GRIN2B: variants seen among roughly 807,000 people sequenced by gnomAD.
The protein encoded by GRIN2B is glutamate receptor ionotropic, NMDA 2B.
GRIN2B carries 5 observed loss-of-function variants against 114.5 expected under a neutral mutation model. The ratio of observed to expected loss-of-function variants is 0.04; its 90% CI spans 0.02 to 0.09. The LOEUF (loss-of-function observed/expected upper bound fraction) is 0.09, where lower values mean the gene tolerates loss of function less well. GRIN2B is among the 10% of genes least tolerant of loss of function. GRIN2B has a pLI of 1.00. For missense variants in GRIN2B, 1,108 were observed against 1,943.5 expected (o/e 0.57, Z 8.08); for synonymous variants, 787 against 745.1 (o/e 1.06, Z -0.92).
intron 1 of GRIN2B, among the ~76,000 whole-genome samples, chr12:13,980,676 A>G (rs1238672352): frequency 6.6e-6 from 1 of 152,102 alleles, no homozygotes; most frequent in Non-Finnish European, 1.5e-5. Context: ...AAGCGGCACC[A>G]TACAGCAACA....
chr12:13,744,909 G>A (rs558625017), intron 4 of GRIN2B, among the ~76,000 whole-genome samples: 2 of 152,154 alleles, frequency 1.3e-5, no homozygotes, highest in Non-Finnish European at 2.9e-5. Flanking sequence ...GGCTTCTCCC[G>A]TGCCCTATCT....
chr12:13,965,173 T>C (rs958157894), intron 2 of GRIN2B, among the ~76,000 whole-genome samples: 12 of 152,224 alleles, frequency 7.9e-5, no homozygotes, highest in African/African-American at 2.9e-4. Context: ...CCTGAAATCC[T>C]CACAGAGCCC....
intron 3 of GRIN2B, among the ~76,000 whole-genome samples, chr12:13,794,038 C>CAAAAAAAAA (rs59335663): frequency 1.3e-3 from 99 of 79,164 alleles, no homozygotes; most frequent in East Asian, 1.7e-3. Context: ...CCCATCTCTA[C>CAAAAAAAAA]AAAAAAAAAA....
intron 2 of GRIN2B, among the ~76,000 whole-genome samples, chr12:13,961,770 C>T (rs1867696085): frequency 6.6e-6 from 1 of 152,118 alleles, no homozygotes; most frequent in Non-Finnish European, 1.5e-5. Context: ...AAACGTAGGT[C>T]CAGCGGAATG....
intron 5 of GRIN2B, among the ~76,000 whole-genome samples, chr12:13,628,584 A>T (rs11610953): frequency 0.083 from 12,573 of 152,300 alleles, 552 homozygotes; most frequent in Non-Finnish European, 0.099. Context: ...TTAGTAAACC[A>T]ATCAAACAAG....
chr12:13,967,017 G>A (rs970273571), intron 2 of GRIN2B, among the ~76,000 whole-genome samples: 2 of 152,182 alleles, frequency 1.3e-5, no homozygotes, highest in African/African-American at 4.8e-5. Context: ...GGAGAAGACA[G>A]TAGCAGGGAA....
intron 4 of GRIN2B, among the ~76,000 whole-genome samples, chr12:13,677,778 T>G (rs1950089243): frequency 6.6e-6 from 1 of 152,134 alleles, no homozygotes; most frequent in Non-Finnish European, 1.5e-5. Flanking sequence ...ACATGTTTCC[T>G]CTTTAGAGAT....
chr12:13,678,474 C>T (rs889539008), intron 4 of GRIN2B, among the ~76,000 whole-genome samples: 1 of 152,110 alleles, frequency 6.6e-6, no homozygotes, highest in Admixed American at 6.6e-5. Context: ...CCTTTCCTGA[C>T]ACCAGCCTGA....
intron 2 of GRIN2B, among the ~76,000 whole-genome samples, chr12:13,957,738 CT>C (rs926261116): frequency 4.4e-4 from 67 of 152,330 alleles, no homozygotes; most frequent in African/African-American, 1.4e-3. Context: ...TCCCTCATCT[CT>C]CTTGCCTCCC....
intron 10 of GRIN2B, among the ~76,000 whole-genome samples, chr12:13,591,455 T>C (rs1336114351): frequency 6.6e-6 from 1 of 152,220 alleles, no homozygotes; most frequent in Admixed American, 6.5e-5. Flanking sequence ...ACAGCAGCTA[T>C]AAAGTAGGTA....
intron 2 of GRIN2B, among the ~76,000 whole-genome samples, chr12:13,961,172 A>T (rs1258884966): frequency 6.6e-6 from 1 of 152,128 alleles, no homozygotes; most frequent in Admixed American, 6.5e-5. Context: ...GTACTGGAGA[A>T]GCTGAATTCC....
chr12:13,936,333 G>C (rs1867130496), intron 2 of GRIN2B, among the ~76,000 whole-genome samples: 1 of 152,154 alleles, frequency 6.6e-6, no homozygotes. Flanking sequence ...GCATCAATCT[G>C]AGATTCCAGA....
chr12:13,613,807 T>A (rs2136477524), intron 8 of GRIN2B, among the ~76,000 whole-genome samples: 1 of 152,188 alleles, frequency 6.6e-6, no homozygotes, highest in South Asian at 2.1e-4. Context: ...TCAATAAATG[T>A]TGGCTTCTCT....
At position 13,804,660 on chromosome 12, in the gene GRIN2B, A is replaced by G. The variant is rs555470480; in HGVS notation, c.412-50745T>C. Among the ~76,000 whole-genome samples, 16 of 152,250 alleles carry G rather than the reference A, an allele frequency of 1.1e-4. 1 individual carries two copies. In the South Asian group the frequency reaches 3.3e-3, roughly 32 times the overall value. On this transcript the variant is annotated intron_variant, in intron 3 of 13. Coordinates refer to ENST00000609686, the MANE Select transcript of GRIN2B (RefSeq NM_000834.5). ...CTAATTAAAACTTCTGATTTCCTAT[A>G]TAACACTTAGTTTTTACAGTTCCTG... is the stretch of plus-strand genomic sequence containing the variant.
chr12:13,849,666 C>T (rs1865526079), intron 3 of GRIN2B, among the ~76,000 whole-genome samples: 1 of 152,096 alleles, frequency 6.6e-6, no homozygotes, highest in South Asian at 2.1e-4. Flanking sequence ...ATGAAAAGAA[C>T]TTGCAAAAAC....
intron 4 of GRIN2B, among the ~76,000 whole-genome samples, chr12:13,703,963 T>C (rs1950335767): frequency 6.6e-6 from 1 of 152,180 alleles, no homozygotes; most frequent in African/African-American, 2.4e-5. Flanking sequence ...TTCACTTGTC[T>C]CTGTCATCAA....
intron 5 of GRIN2B, among the ~76,000 whole-genome samples, chr12:13,652,171 TTA>T (rs1949820269): frequency 6.6e-6 from 1 of 151,834 alleles, no homozygotes; most frequent in Non-Finnish European, 1.5e-5. Flanking sequence ...ACCTCAGACT[TTA>T]GCACTTTGCT....
intron 2 of GRIN2B, among the ~76,000 whole-genome samples, chr12:13,922,942 T>C (rs1243263483): frequency 2.0e-5 from 3 of 152,180 alleles, no homozygotes; most frequent in African/African-American, 4.8e-5. Flanking sequence ...GACTTTTTGA[T>C]ACAAAGACAT....
chr12:13,570,011 C>T lies in GRIN2B; in HGVS notation c.2178G>A (p.Leu726=). The change falls in exon 12 of 14, where the codon CTG becomes CTA. Residue 726 remains leucine (L), a synonymous_variant. Transcript: ENST00000609686. ...CTGCTGCATCATAGATGAAGGCATCCAGTTTCCTGTACAGGAAAAAAGCAA... is the reference window on the plus strand; with the variant it reads ...CTGCTGCATCATAGATGAAGGCATCTAGTTTCCTGTACAGGAAAAAAGCAA... The part of the protein sequence containing the change: ...DALLSLKTGK[L]DAFIYDAAVL... 6.2e-7 allele frequency: 1 copy of T among 1,610,612 alleles called. No individual in the cohort carries two copies. The highest frequency in any genetic ancestry group is 8.5e-7 in the Non-Finnish European group (1 of 1,176,860).
Sources: allele counts gnomAD v4.1 joint callset (sites outside exome capture counted in the v4.1 genomes callset), GRCh38; gene constraint gnomAD v4.1.1; transcripts MANE v1.5; gene names NCBI Gene and HGNC (gene_info 2026-07-23, HGNC 2026-07-21).